The following SEC23IP variants were observed in gnomAD, a reference collection of about 807,000 sequenced individuals.
The protein encoded by SEC23IP is SEC23 interacting protein.
SEC23IP carries 70 observed loss-of-function variants against 113.4 expected under a neutral mutation model. The ratio of observed to expected loss-of-function variants is 0.62; its 90% CI spans 0.51 to 0.75. The LOEUF is 0.75. Among genes scored for constraint, SEC23IP ranks in the 30% least tolerant of loss-of-function variants. The pLI, the probability that SEC23IP is intolerant of heterozygous loss-of-function variation, is 0.00. For synonymous variants in SEC23IP, 398 were observed against 421.0 expected, an observed-to-expected ratio of 0.95 and a Z score of 0.67; for missense variants, 1,160 against 1,204.9, an observed-to-expected ratio of 0.96 and a Z score of 0.55.
At chr10:119,917,095 C>T (rs950160864) in intron 8 of SEC23IP, among the ~76,000 whole-genome samples, 1 of 152,166 alleles carries the variant, frequency 6.6e-6, no homozygotes, top group Non-Finnish European at 1.5e-5. Context: ...TCTTGATCTC[C>T]CGGGCTCAAG....
Position 119,919,491 on chromosome 10 carries a change from TG to T in SEC23IP, c.1921del (p.Val641LeufsTer7). The T allele has an allele frequency of 6.2e-7, 1 of 1,613,422 alleles. No homozygotes were observed. Among genetic ancestry groups the T allele is most frequent in the Non-Finnish European group, 8.5e-7 (1 of 1,179,790 alleles). On this transcript the variant is annotated frameshift_variant, in exon 11 of 19. Coordinates refer to ENST00000369075, the MANE Select transcript of SEC23IP (RefSeq NM_007190.4). LOFTEE classifies it high-confidence loss of function. ...LTLDESYDLV[V>X]ENKEVLTLQE... ...CTTTGGATGAGTCGTATGACCTTGT[TG>T]TTGAAAATAAAGAAGTCCTAACTTT...
At chr10:119,923,724 T>C (rs918459732) in intron 12 of SEC23IP, among the ~76,000 whole-genome samples, 1 of 152,086 alleles carries the variant, frequency 6.6e-6, no homozygotes, top group Non-Finnish European at 1.5e-5. Flanking sequence ...AATTTTTGTA[T>C]TTTTAGTAGA....
intron 2 of SEC23IP, among the ~76,000 whole-genome samples, chr10:119,901,050 G>C (rs1455530646): frequency 2.1e-5 from 3 of 143,566 alleles, no homozygotes; most frequent in African/African-American, 7.7e-5. Context: ...AGAGTGGGGG[G>C]GGGGTCTTGC....
Position 119,892,788 on chromosome 10 carries a change from C to A in SEC23IP, c.6C>A (p.Ala2=), listed in dbSNP as rs1277371195. The A allele has an allele frequency of 6.2e-7, 1 of 1,609,250 alleles. No homozygotes were observed. Among genetic ancestry groups the A allele is most frequent in the Middle Eastern group, 1.7e-4 (1 of 6,040 alleles). The change falls in exon 1 of 19, where the codon GCC becomes GCA. Residue 2 remains alanine (A), a synonymous_variant. Transcript: ENST00000369075. M[A]ERKPNGGSGG... is the part of the protein sequence containing the mutation. The stretch of plus-strand genomic sequence containing the variant: ...TCGGACGGTGGGCCGCAGCCATGGC[C>A]GAGAGAAAACCTAACGGTGGCAGCG...
chr10:119,913,976 AC>A (rs1854962050), intron 6 of SEC23IP, among the ~76,000 whole-genome samples: 2 of 151,588 alleles, frequency 1.3e-5, no homozygotes, highest in South Asian at 4.2e-4. Context: ...ACTTGGTGAA[AC>A]CCTGTCTCTA....
chr10:119,911,973 T>G, intron 5 of SEC23IP, 71 bp from the exon 6 acceptor site: 1 of 1,576,154 alleles, frequency 6.3e-7, no homozygotes, highest in South Asian at 1.1e-5. Flanking sequence ...TTATTATGTG[T>G]TAAACTACTT....
chr10:119,929,908 C>G (rs544374116), intron 14 of SEC23IP, 146 bp downstream of exon 14: 1 of 579,788 alleles, frequency 1.7e-6, no homozygotes, highest in African/African-American at 1.9e-5. Context: ...CACAGCCTCC[C>G]AAATCGCTAG....
At chr10:119,932,437 T>C (rs557338276) in intron 16 of SEC23IP, 119 bp downstream of exon 16, 1 of 718,202 alleles carries the variant, frequency 1.4e-6, no homozygotes, top group Non-Finnish European at 2.2e-6. Context: ...AGAAGCTCTT[T>C]AAAGGAAAAT....
chr10:119,920,838 A>C, intron 11 of SEC23IP, 51 bp from the exon 12 acceptor site: 2 of 1,213,122 alleles, frequency 1.6e-6, no homozygotes, highest in Non-Finnish European at 2.4e-6. Context: ...TTCTCATTTC[A>C]GTTCTTCTAT....
At chr10:119,915,927 A>T (rs1385414421) in intron 8 of SEC23IP, 38 bp downstream of exon 8, 1 of 1,420,474 alleles carries the variant, frequency 7.0e-7, no homozygotes, top group Non-Finnish European at 9.3e-7. Context: ...CAGATTAGTC[A>T]TATTTAAATT....
At position 119,915,843 on chromosome 10, in the gene SEC23IP, G is replaced by A; in HGVS notation, c.1498G>A (p.Val500Ile). The change falls in exon 8 of 19, where the codon GTT becomes ATT. Residue 500 changes from valine to isoleucine, a missense_variant. Transcript: ENST00000369075. ...GKVSRVEFLPVHWHSSLGGDA... is the reference protein window; with the variant it reads ...GKVSRVEFLPIHWHSSLGGDA... ...AGTAAGCAGAGTGGAGTTCCTTCCA[G>A]TTCATTGGCATAGTTCTTTGGGTGG... is the stretch of plus-strand genomic sequence containing the variant. The A allele has an allele frequency of 1.3e-6, 2 of 1,598,210 alleles. No individual in the cohort carries two copies. Among genetic ancestry groups the A allele is most frequent in the Non-Finnish European group, 1.7e-6 (2 of 1,171,398 alleles).
rs925692356 is a variant in SEC23IP at position 119,934,698 on chromosome 10, C to T, written c.*20+911C>T. Among the ~76,000 whole-genome samples, 16 of 152,302 alleles carry T rather than the reference C, an allele frequency of 1.1e-4. No homozygotes were observed. The East Asian group carries it at 3.1e-3, about 29-fold the overall frequency. ...GGAAGTTCCTGCCATTTTTGGTTTT[C>T]TAATAGTAAGTGGTAAATGAACATT... On this transcript the variant is annotated intron_variant, in intron 18 of 18. Coordinates refer to ENST00000369075, the MANE Select transcript of SEC23IP (RefSeq NM_007190.4).
At chr10:119,924,611 G>A (rs370589481) in intron 12 of SEC23IP, among the ~76,000 whole-genome samples, 1 of 150,884 alleles carries the variant, frequency 6.6e-6, no homozygotes, top group African/African-American at 2.4e-5. Flanking sequence ...TAGTAGAGAC[G>A]GGGTTTTGCC....
In SEC23IP at chr10:119,892,904, C is replaced by A. The variant is rs779522024; in HGVS notation, c.122C>A (p.Thr41Asn). The change falls in exon 1 of 19, where the codon ACC becomes AAC. Residue 41 changes from threonine (T) to asparagine (N), a missense_variant. Transcript: ENST00000369075. ...TTCAATGTGCCCTTCATCCCAGTCA[C>A]CCAGGCCTCCGCTTCTCCGGCCTCC... ...FSFNVPFIPV[T>N]QASASPASLL... 2 of 1,613,448 alleles carry A rather than the reference C, an allele frequency of 1.2e-6. No homozygotes were observed. Among genetic ancestry groups the A allele is most frequent in the Non-Finnish European group, 1.7e-6 (2 of 1,179,690 alleles).
At position 119,933,218 on chromosome 10, in the gene SEC23IP, C is replaced by A. The variant is rs376337209; in HGVS notation, c.2921+51C>A. 4.0e-6 allele frequency: 6 copies of A among 1,491,438 alleles called. No individual in the cohort carries two copies. The African/African-American group carries it at 5.6e-5, about 14-fold the overall frequency. The allele number at this position is 1,491,438 out of a possible 1,614,324, so 92.4% of individuals were successfully genotyped here. A position where few individuals can be genotyped will look rare whatever the true frequency, so the allele number is the denominator to read the frequency against. ...TTTGAGTGGGCTTTTGGTGCTAGCA[C>A]GTGCAGCAATTTTAGTTTTAGTGAG... On this transcript the variant is annotated intron_variant, in intron 17 of 18. Coordinates refer to ENST00000369075, the MANE Select transcript of SEC23IP (RefSeq NM_007190.4).
At chr10:119,909,881 G>C (rs1854803700) in intron 5 of SEC23IP, among the ~76,000 whole-genome samples, 1 of 152,208 alleles carries the variant, frequency 6.6e-6, no homozygotes, top group African/African-American at 2.4e-5. Flanking sequence ...GCAAGACTCT[G>C]TCTAAATAAA....
chr10:119,936,897 A>AT (rs1434374578), intron 18 of SEC23IP, among the ~76,000 whole-genome samples: 13 of 148,778 alleles, frequency 8.7e-5, no homozygotes, highest in Non-Finnish European at 1.9e-4. Flanking sequence ...ATTTTATTTT[A>AT]TTTTTTTTAA....
intron 1 of SEC23IP, 120 bp from the exon 2 acceptor site, chr10:119,898,307 C>A: frequency 1.5e-6 from 2 of 1,345,474 alleles, no homozygotes; most frequent in Non-Finnish European, 1.9e-6. Flanking sequence ...TTCTGTAATG[C>A]AGAAATAGCA....
chr10:119,892,865 C>T lies in SEC23IP; in HGVS notation c.83C>T (p.Ala28Val). The change falls in exon 1 of 19, where the codon GCC becomes GTC. Residue 28 changes from alanine (A) to valine (V), a missense_variant. Physicochemically the swap from Ala to Val is moderately conservative, Grantham distance 64. Transcript: ENST00000369075. ...SGTNLLFSSS[A>V]TEFSFNVPFI... ...ACTAACTTACTTTTCTCCTCCTCGGCCACGGAGTTCAGCTTCAATGTGCCC... is the reference window on the plus strand; with the variant it reads ...ACTAACTTACTTTTCTCCTCCTCGGTCACGGAGTTCAGCTTCAATGTGCCC... 6.2e-7 allele frequency: 1 copy of T among 1,614,114 alleles called. No homozygotes were observed. The highest frequency in any genetic ancestry group is 2.2e-5 in the East Asian group (1 of 44,870).
Sources: gnomAD v4.1 joint callset for allele counts (sites outside exome capture counted in the v4.1 genomes callset) on GRCh38, gnomAD v4.1.1 for gene constraint, MANE v1.5 for transcripts, NCBI Gene and HGNC (gene_info 2026-07-23, HGNC 2026-07-21) for gene names.